Variants in EYS observed in about 807,000 individuals in gnomAD.
The protein encoded by EYS is protein eyes shut homolog.
Under a neutral mutation model 282.1 loss-of-function variants are expected in EYS, and 250 were observed. That is an observed-to-expected ratio of 0.89 (90% CI 0.80 to 0.98). The LOEUF (loss-of-function observed/expected upper bound fraction) is 0.98, where lower values mean the gene tolerates loss of function less well. Ranked by LOEUF, EYS falls within the 50% of genes least tolerant of loss-of-function variation. EYS has a pLI of 0.00. For synonymous variants in EYS, 1,355 were observed against 1,282.9 expected (o/e 1.06, Z -1.20); for missense variants, 4,016 against 3,709.0 (o/e 1.08, Z -2.15).
chr6:64,264,706 T>A (rs1170501493), intron 30 of EYS, among the ~76,000 whole-genome samples: 1 of 152,034 alleles, frequency 6.6e-6, no homozygotes, highest in African/African-American at 2.4e-5. Context: ...GTTTAGGAGT[T>A]TGAGACCAGC....
At chr6:65,465,723 T>C (rs1764975950) in intron 5 of EYS, among the ~76,000 whole-genome samples, 1 of 152,102 alleles carries the variant, frequency 6.6e-6, no homozygotes, top group African/African-American at 2.4e-5. Flanking sequence ...TTCCCACTCT[T>C]GTAACTGCAG....
chr6:65,577,087 A>G (rs1359623296), intron 2 of EYS, among the ~76,000 whole-genome samples: 1 of 151,814 alleles, frequency 6.6e-6, no homozygotes, highest in Non-Finnish European at 1.5e-5. Context: ...TTAAATGAAA[A>G]CACACACAAG....
In EYS at chr6:63,958,550, G is replaced by A. The variant is rs534480421; in HGVS notation, c.7055+25833C>T. Among the ~76,000 whole-genome samples, 7 of 152,310 alleles carry A rather than the reference G, an allele frequency of 4.6e-5. No homozygotes were observed. The East Asian group carries it at 1.3e-3, about 29-fold the overall frequency. On this transcript the variant is annotated intron_variant, in intron 35 of 42. Coordinates refer to ENST00000503581, the MANE Select transcript of EYS (RefSeq NM_001142800.2). ...CAAATTATTCAGAAGATCTAACTAA[G>A]ATCATTGATGGAAGTGGCTACACTA...
intron 10 of EYS, among the ~76,000 whole-genome samples, chr6:65,342,492 T>C (rs1770236199): frequency 6.6e-6 from 1 of 150,750 alleles, no homozygotes; most frequent in Non-Finnish European, 1.5e-5. Flanking sequence ...CTTACACAGA[T>C]ATTTAATCAA....
rs994537599 is a variant in EYS at position 64,198,326 on chromosome 6, T to C, written c.6424+32266A>G. On this transcript the variant is annotated intron_variant, in intron 31 of 42. Transcript: ENST00000503581. ...CCGGCCTATAATTTTTTTATTATTATACTTTAAGTTCTGGGATACATGTGC... is the reference window on the plus strand; with the variant it reads ...CCGGCCTATAATTTTTTTATTATTACACTTTAAGTTCTGGGATACATGTGC... 2.0e-5 allele frequency among the ~76,000 whole-genome samples: 3 copies of C among 152,232 alleles called. No individual in the cohort carries two copies. In the South Asian group the frequency reaches 6.2e-4, roughly 32 times the overall value.
At chr6:64,515,609 G>T (rs1004026217) in intron 26 of EYS, among the ~76,000 whole-genome samples, 1 of 151,154 alleles carries the variant, frequency 6.6e-6, no homozygotes, top group Non-Finnish European at 1.5e-5. Flanking sequence ...ATTTTTATTG[G>T]TATGTACATG....
At chr6:65,194,793 A>G (rs1397935284) in intron 12 of EYS, among the ~76,000 whole-genome samples, 1 of 151,912 alleles carries the variant, frequency 6.6e-6, no homozygotes, top group African/African-American at 2.4e-5. Flanking sequence ...AATCTCCTCA[A>G]AATAGTTTCG....
At chr6:65,387,808 T>G (rs1765858738) in intron 7 of EYS, among the ~76,000 whole-genome samples, 1 of 151,980 alleles carries the variant, frequency 6.6e-6, no homozygotes, top group African/African-American at 2.4e-5. Flanking sequence ...ACAGTTATAT[T>G]TGTAATTTTT....
chr6:64,390,044 C>A (rs1487248206), intron 28 of EYS, among the ~76,000 whole-genome samples: 1 of 151,184 alleles, frequency 6.6e-6, no homozygotes, highest in East Asian at 2.0e-4. Flanking sequence ...TCACTCCCAC[C>A]CGAATACTGC....
intron 35 of EYS, among the ~76,000 whole-genome samples, chr6:63,965,087 A>G (rs1766242641): frequency 6.6e-6 from 1 of 152,212 alleles, no homozygotes; most frequent in Non-Finnish European, 1.5e-5. Context: ...GGCTATTTCA[A>G]AAAATAACTT....
At chr6:64,545,095 G>A (rs1582876206) in intron 26 of EYS, among the ~76,000 whole-genome samples, 2 of 152,166 alleles carry the variant, frequency 1.3e-5, no homozygotes, top group East Asian at 3.8e-4. Flanking sequence ...CAATATCCCT[G>A]ATGAACATCA....
chr6:65,192,293 CTGTGTGTGTG>C (rs58238401), intron 12 of EYS, among the ~76,000 whole-genome samples: 27 of 142,906 alleles, frequency 1.9e-4, no homozygotes, highest in East Asian at 8.4e-4. Context: ...TTTTTCTACT[CTGTGTGTGTG>C]TGTGTGTGTG....
chr6:65,357,581 C>T (rs1009651120), intron 8 of EYS, among the ~76,000 whole-genome samples: 6 of 151,828 alleles, frequency 4.0e-5, no homozygotes, highest in Non-Finnish European at 4.4e-5. Flanking sequence ...ACCAGATTTC[C>T]AGTTGATATT....
At chr6:65,515,256 A>G (rs1419121878) in intron 2 of EYS, among the ~76,000 whole-genome samples, 1 of 151,874 alleles carries the variant, frequency 6.6e-6, no homozygotes, top group Non-Finnish European at 1.5e-5. Flanking sequence ...ATCTCACACC[A>G]GTTAGAATGG....
intron 29 of EYS, among the ~76,000 whole-genome samples, chr6:64,343,481 C>A (rs1345364627): frequency 6.6e-6 from 1 of 151,998 alleles, no homozygotes; most frequent in African/African-American, 2.4e-5. Flanking sequence ...GAAATGAAGG[C>A]AGAAATAAAG....
At chr6:65,477,634 C>T (rs999699070) in intron 5 of EYS, among the ~76,000 whole-genome samples, 3 of 152,106 alleles carry the variant, frequency 2.0e-5, no homozygotes, top group Non-Finnish European at 4.4e-5. Context: ...AGGCTAAAGG[C>T]AGTTATTACA....
intron 2 of EYS, among the ~76,000 whole-genome samples, chr6:65,622,694 G>A (rs1766555541): frequency 6.6e-6 from 1 of 151,676 alleles, no homozygotes; most frequent in Non-Finnish European, 1.5e-5. Context: ...CATTTCTTGA[G>A]TTAATCAAGA....
At chr6:64,262,275 T>A (rs555443999) in intron 30 of EYS, among the ~76,000 whole-genome samples, 1 of 151,984 alleles carries the variant, frequency 6.6e-6, no homozygotes, top group South Asian at 2.1e-4. Context: ...ATTTGCTAGT[T>A]TTGGTAAACA....
intron 26 of EYS, among the ~76,000 whole-genome samples, chr6:64,547,797 C>T (rs541169721): frequency 6.2e-4 from 94 of 152,280 alleles, no homozygotes; most frequent in Non-Finnish European, 1.0e-3. Flanking sequence ...CGGGGCGGCT[C>T]GGGCTGCGCA....
Sources: gnomAD v4.1 joint callset for allele counts (sites outside exome capture counted in the v4.1 genomes callset) on GRCh38, gnomAD v4.1.1 for gene constraint, MANE v1.5 for transcripts, NCBI Gene and HGNC (gene_info 2026-07-23, HGNC 2026-07-21) for gene names.